The following C4orf50 variants were observed in gnomAD, a reference collection of about 807,000 sequenced individuals.
C4orf50 encodes chromosome 4 open reading frame 50.
C4orf50 carries 80 observed loss-of-function variants against 77.2 expected under a neutral mutation model. That is an observed-to-expected ratio of 1.04 (90% CI 0.87 to 1.25). C4orf50 has a LOEUF of 1.25. Ranked by LOEUF, C4orf50 falls within the 50% of genes most tolerant of loss-of-function variation. The probability of loss-of-function intolerance (pLI) is 0.00; values close to 1 mark genes in which losing one functional copy is unlikely to be tolerated. For missense variants in C4orf50, 1,257 were observed against 1,152.9 expected (o/e 1.09, Z -1.31); for synonymous variants, 532 against 465.3 (o/e 1.14, Z -1.84).
chr4:5,925,777 G>A (rs2108741356), intron 7 of C4orf50, among the ~76,000 whole-genome samples: 1 of 152,396 alleles, frequency 6.6e-6, no homozygotes, highest in East Asian at 1.9e-4. Context: ...GAGGACCAGG[G>A]TTGGGGAAGC....
chr4:5,994,570 C>A (rs539660977), intron 25 of C4orf50, 94 bp from the exon 4 acceptor site: 90 of 398,260 alleles, frequency 2.3e-4, no homozygotes, highest in African/African-American at 1.8e-3. Flanking sequence ...CAGAAGGGAG[C>A]TTGAGTCTCT....
At chr4:5,982,142 C>T (rs980102042) in intron 28 of C4orf50, among the ~76,000 whole-genome samples, 14 of 152,104 alleles carry the variant, frequency 9.2e-5, no homozygotes, top group African/African-American at 2.9e-4. Flanking sequence ...TGAATGGTCC[C>T]GTAAAATTCA....
chr4:5,971,683 A>T (rs1052742429), intron 31 of C4orf50, among the ~76,000 whole-genome samples: 61 of 152,236 alleles, frequency 4.0e-4, no homozygotes, highest in African/African-American at 1.4e-3. Context: ...AGATAACTCA[A>T]CTATAGGGAG....
intron 33 of C4orf50, among the ~76,000 whole-genome samples, chr4:5,962,195 C>T (rs1189182469): frequency 6.6e-6 from 1 of 152,244 alleles, no homozygotes; most frequent in Non-Finnish European, 1.5e-5. Flanking sequence ...GAAGGCCTCC[C>T]ATGGGCCAGG....
At chr4:5,944,557 C>T (rs1251811404) in intron 7 of C4orf50, among the ~76,000 whole-genome samples, 2 of 152,306 alleles carry the variant, frequency 1.3e-5, no homozygotes, top group Middle Eastern at 6.8e-3. Context: ...CTGGTGATCA[C>T]AAGCCACACC....
chr4:5,957,877 T>G (rs1029243559), exon 34 of C4orf50: 1 of 152,152 alleles, frequency 6.6e-6, no homozygotes, highest in African/African-American at 2.4e-5. Flanking sequence ...TTGTACAACA[T>G]AAGTCACATG....
chr4:5,978,294 A>T (rs1410824622), intron 29 of C4orf50, among the ~76,000 whole-genome samples: 2 of 150,704 alleles, frequency 1.3e-5, no homozygotes, highest in African/African-American at 4.9e-5. Flanking sequence ...ATTACATTAC[A>T]AAAATTTCAT....
chr4:5,966,473 T>C (rs1719572439), intron 32 of C4orf50, among the ~76,000 whole-genome samples: 1 of 150,742 alleles, frequency 6.6e-6, no homozygotes. Context: ...AGACTCCCTC[T>C]CAAAAATAAA....
rs1243858476 is a variant in C4orf50, at chr4:5,992,090, G to C, written c.1221+713C>G. Among the ~76,000 whole-genome samples the C allele has an allele frequency of 2.6e-5, 4 of 152,146 alleles. No homozygotes were observed. The highest frequency in any genetic ancestry group is 9.7e-5 in the African/African-American group (4 of 41,430). ...CCTCAGCCACCTCACCTGTCAAATG[G>C]GGCACCTCCGTGTTCTAAGACATTG... On this transcript the variant is annotated intron_variant, in intron 27 of 33. Transcript: ENST00000531445. This position sits in a 1 kb window ranked among gnomAD's most constrained non-coding sequence, Gnocchi z 5.0.
exon 8 of C4orf50, chr4:5,897,986 C>T (rs1577863495): frequency 6.6e-6 from 1 of 152,230 alleles, no homozygotes; most frequent in Non-Finnish European, 1.5e-5. Flanking sequence ...ACATTCTCAG[C>T]CTTGAGTTTA....
At chr4:5,983,304 C>T (rs1720696971) in intron 28 of C4orf50, among the ~76,000 whole-genome samples, 1 of 152,214 alleles carries the variant, frequency 6.6e-6, no homozygotes, top group Admixed American at 6.5e-5. Context: ...CAAACAAGGG[C>T]CTGCAAGCCT....
Position 6,008,118 on chromosome 4 carries a change from A to C in C4orf50, c.841T>G (p.Cys281Gly). ...TCTGACAGCTTCAGCCCATAGATGCAGCAGCGCAGCTCCTCCAGCTGCCCG... is the reference window on the plus strand; with the variant it reads ...TCTGACAGCTTCAGCCCATAGATGCCGCAGCGCAGCTCCTCCAGCTGCCCG... The change falls in exon 25 of 34, where the codon TGC becomes GGC. Residue 281 changes from cysteine to glycine, a missense_variant. Transcript: ENST00000531445. The surrounding 1 kb of genome is among the most constrained non-coding windows in gnomAD (Gnocchi z 6.0). The C allele has an allele frequency of 2.5e-6, 1 of 399,056 alleles. No individual in the cohort carries two copies. Among genetic ancestry groups the C allele is most frequent in the Non-Finnish European group, 4.4e-6 (1 of 226,098 alleles). The allele number at this position is 399,056 out of a possible 1,614,324, so 24.7% of individuals were successfully genotyped here. A position where few individuals can be genotyped will look rare whatever the true frequency, so the allele number is the denominator to read the frequency against.
At chr4:5,977,276 T>C (rs1315878217) in intron 29 of C4orf50, among the ~76,000 whole-genome samples, 1 of 152,164 alleles carries the variant, frequency 6.6e-6, no homozygotes, top group East Asian at 1.9e-4. Flanking sequence ...TGTGAGTTCT[T>C]CTAACTCTCT....
At chr4:5,978,579 A>T (rs1365742750) in intron 29 of C4orf50, among the ~76,000 whole-genome samples, 1 of 152,240 alleles carries the variant, frequency 6.6e-6, no homozygotes, top group East Asian at 1.9e-4. Flanking sequence ...GATAAGAGAA[A>T]AAAGCAATAC....
chr4:5,975,490 C>T (rs969350976), intron 30 of C4orf50, among the ~76,000 whole-genome samples: 7 of 127,630 alleles, frequency 5.5e-5, no homozygotes, highest in Non-Finnish European at 9.6e-5. Context: ...TTCTTCTTTG[C>T]GGTTTTTTTG....
chr4:5,977,024 C>T (rs557990171), intron 29 of C4orf50, among the ~76,000 whole-genome samples: 17 of 152,286 alleles, frequency 1.1e-4, no homozygotes, highest in Non-Finnish European at 2.2e-4. Context: ...TTAAGAATTC[C>T]AGGTGCCCTC....
At chr4:5,986,727 T>C (rs1322002922) in intron 28 of C4orf50, among the ~76,000 whole-genome samples, 2 of 151,918 alleles carry the variant, frequency 1.3e-5, no homozygotes, top group African/African-American at 2.4e-5. Flanking sequence ...TTAGTAGAGA[T>C]GGGGTTTCAC....
chr4:5,944,810 T>TGG (rs1006838044), intron 7 of C4orf50, among the ~76,000 whole-genome samples: 11 of 152,008 alleles, frequency 7.2e-5, no homozygotes, highest in Non-Finnish European at 1.5e-4. Context: ...TTCAGAGGCC[T>TGG]GGGGCGGAGG....
At chr4:5,907,222 A>G (rs1336201740) in intron 7 of C4orf50, among the ~76,000 whole-genome samples, 1 of 152,266 alleles carries the variant, frequency 6.6e-6, no homozygotes, top group African/African-American at 2.4e-5. Context: ...TACATTATAC[A>G]TGATAACATA....
Sources: gnomAD v4.1 joint callset for allele counts (sites outside exome capture counted in the v4.1 genomes callset) on GRCh38, gnomAD v4.1.1 for gene constraint, Gnocchi (gnomAD v3.1) non-coding constraint, MANE v1.5 for transcripts, NCBI Gene and HGNC (gene_info 2026-07-23, HGNC 2026-07-21) for gene names.